Variants in ZFYVE28 observed in about 807,000 individuals in gnomAD.
The protein encoded by ZFYVE28 is zinc finger FYVE-type containing 28.
In ZFYVE28, 40 loss-of-function variants were observed where a neutral mutation model predicts 82.1. The ratio of observed to expected loss-of-function variants is 0.49; its 90% CI spans 0.38 to 0.63. ZFYVE28 has a LOEUF of 0.63. Among genes scored for constraint, ZFYVE28 ranks in the 30% least tolerant of loss-of-function variants. The pLI, the probability that ZFYVE28 is intolerant of heterozygous loss-of-function variation, is 0.00. For synonymous variants in ZFYVE28, 612 were observed against 546.1 expected, an observed-to-expected ratio of 1.12 and a Z score of -1.68; for missense variants, 1,321 against 1,242.1, an observed-to-expected ratio of 1.06 and a Z score of -0.96.
At chr4:2,310,333 C>G (rs1218018116) in intron 7 of ZFYVE28, among the ~76,000 whole-genome samples, 1 of 152,082 alleles carries the variant, frequency 6.6e-6, no homozygotes, top group East Asian at 1.9e-4. Flanking sequence ...GCCACTGTGC[C>G]CAGATATATT....
intron 2 of ZFYVE28, among the ~76,000 whole-genome samples, chr4:2,345,813 T>G (rs1723451919): frequency 6.6e-6 from 1 of 151,676 alleles, no homozygotes; most frequent in African/African-American, 2.4e-5. Context: ...ATGTGTTACA[T>G]ACAAGGAACA....
At chr4:2,346,100 G>T (rs559049153) in intron 2 of ZFYVE28, among the ~76,000 whole-genome samples, 1 of 151,746 alleles carries the variant, frequency 6.6e-6, no homozygotes, top group East Asian at 1.9e-4. Flanking sequence ...AGGCCAGGGC[G>T]GGTGGATCAC....
chr4:2,294,521 T>C (rs1438325169), intron 8 of ZFYVE28, among the ~76,000 whole-genome samples: 1 of 152,194 alleles, frequency 6.6e-6, no homozygotes, highest in Non-Finnish European at 1.5e-5. Flanking sequence ...AAAAAATTTT[T>C]GTGACTGTGG....
rs1724572560 is a variant in ZFYVE28, at chr4:2,352,204, T to A, written c.180+1729A>T. ...TGTGCTGGGCGTAAGGTGGGCCCTG[T>A]GAGATGCCCTCAGGGAGCTGGGAGG... On this transcript the variant is annotated intron_variant, in intron 2 of 12. Coordinates refer to ENST00000290974, the MANE Select transcript of ZFYVE28 (RefSeq NM_020972.3). 3.3e-5 allele frequency among the ~76,000 whole-genome samples: 5 copies of A among 152,234 alleles called. No homozygotes were observed. In the South Asian group the frequency reaches 1.0e-3, roughly 32 times the overall value.
In ZFYVE28 at chr4:2,371,873, G is replaced by A. The variant is rs1370353655; in HGVS notation, c.40-17800C>T. Reference sequence around the variant, plus strand: ...CGCCCCCCACCCAGCGTGAGAAGCCGGCCTCGGCGGCAACAGGATGAAGGT... The same window carrying A: ...CGCCCCCCACCCAGCGTGAGAAGCCAGCCTCGGCGGCAACAGGATGAAGGT... On this transcript the variant is annotated intron_variant, in intron 1 of 12. Coordinates refer to ENST00000290974, the MANE Select transcript of ZFYVE28 (RefSeq NM_020972.3). Among the ~76,000 whole-genome samples the A allele has an allele frequency of 4.0e-5, 6 of 151,744 alleles. No individual in the cohort carries two copies. In the South Asian group the frequency reaches 8.3e-4, roughly 21 times the overall value.
rs982057812 is a variant in ZFYVE28, at chr4:2,362,476, T to C, written c.40-8403A>G. 6.6e-6 allele frequency among the ~76,000 whole-genome samples: 1 copy of C among 152,082 alleles called. No homozygotes were observed. Among genetic ancestry groups the C allele is most frequent in the Non-Finnish European group, 1.5e-5 (1 of 68,016 alleles). ...CACCCCTCCACCACTGGGGCTAGAATTGTTCACTGCTGCCAATCACAGGCC... is the reference window on the plus strand; with the variant it reads ...CACCCCTCCACCACTGGGGCTAGAACTGTTCACTGCTGCCAATCACAGGCC... On this transcript the variant is annotated intron_variant, in intron 1 of 12. Coordinates refer to ENST00000290974, the MANE Select transcript of ZFYVE28 (RefSeq NM_020972.3). This position sits in a 1 kb window ranked among gnomAD's most constrained non-coding sequence, Gnocchi z 5.1.
At chr4:2,346,381 C>T (rs1723599721) in intron 2 of ZFYVE28, among the ~76,000 whole-genome samples, 1 of 150,640 alleles carries the variant, frequency 6.6e-6, no homozygotes, top group African/African-American at 2.4e-5. Flanking sequence ...GAAATTCTTT[C>T]AAGCAAAAAG....
rs1721467172 is a variant in ZFYVE28 at position 2,335,127 on chromosome 4, T to TCTCCCA, written c.701+577_701+578insTGGGAG. On this transcript the variant is annotated intron_variant, in intron 6 of 12. Transcript: ENST00000290974. This position sits in a 1 kb window ranked among gnomAD's most constrained non-coding sequence, Gnocchi z 5.8. ...TTGAGCCCCACAGGACCCTACAGGC[T>TCTCCCA]GCCTTGAGTTCCCTGCTCTCCCAGA... is the stretch of plus-strand genomic sequence containing the variant. 6.6e-6 allele frequency among the ~76,000 whole-genome samples: 1 copy of TCTCCCA among 151,628 alleles called. No individual in the cohort carries two copies. Among genetic ancestry groups the TCTCCCA allele is most frequent in the Non-Finnish European group, 1.5e-5 (1 of 67,894 alleles).
At chr4:2,322,909 G>A (rs1719310306) in intron 6 of ZFYVE28, among the ~76,000 whole-genome samples, 1 of 152,178 alleles carries the variant, frequency 6.6e-6, no homozygotes, top group East Asian at 1.9e-4. Context: ...TGTGGCACGT[G>A]GCGAATGTTC....
chr4:2,337,888 A>G (rs900386161), intron 4 of ZFYVE28, among the ~76,000 whole-genome samples: 1 of 151,230 alleles, frequency 6.6e-6, no homozygotes, highest in Non-Finnish European at 1.5e-5. Context: ...ACACACACAC[A>G]CCCTACACCA....
At chr4:2,411,255 GCCTC>G (rs1197478590) in intron 1 of ZFYVE28, among the ~76,000 whole-genome samples, 2 of 151,862 alleles carry the variant, frequency 1.3e-5, no homozygotes, top group Non-Finnish European at 2.9e-5. Context: ...TACACCCCCT[GCCTC>G]CCTCCAGCAG....
chr4:2,301,109 G>C (rs1468634206), intron 8 of ZFYVE28, among the ~76,000 whole-genome samples: 1 of 151,430 alleles, frequency 6.6e-6, no homozygotes, highest in East Asian at 1.9e-4. Context: ...TCCTGTGTCT[G>C]TCTGTTTAAA....
rs1377569702 is a variant in ZFYVE28, at chr4:2,335,936, C to T, written c.612-142G>A. The T allele has an allele frequency of 1.5e-6, 1 of 670,090 alleles. No homozygotes were observed. Among genetic ancestry groups the T allele is most frequent in the African/African-American group, 1.8e-5 (1 of 56,724 alleles). 41.5% of individuals were successfully genotyped at this position (670,090 alleles called of 1,614,324 possible). On this transcript the variant is annotated intron_variant, in intron 5 of 12. Transcript: ENST00000290974. This position sits in a 1 kb window ranked among gnomAD's most constrained non-coding sequence, Gnocchi z 5.8. Reference sequence around the variant, plus strand: ...CACGTCAAGAGGTGACACATGCCACCCCCAGTCCTCATATGTGCAAGGGGC... The same window carrying T: ...CACGTCAAGAGGTGACACATGCCACTCCCAGTCCTCATATGTGCAAGGGGC...
At chr4:2,350,846 A>G (rs1204536504) in intron 2 of ZFYVE28, among the ~76,000 whole-genome samples, 1 of 152,252 alleles carries the variant, frequency 6.6e-6, no homozygotes, top group African/African-American at 2.4e-5. Flanking sequence ...TGCCAGGAGA[A>G]GGGCACACCC....
intron 8 of ZFYVE28, among the ~76,000 whole-genome samples, chr4:2,297,559 G>A (rs911042565): frequency 2.0e-5 from 3 of 152,254 alleles, no homozygotes; most frequent in South Asian, 2.1e-4. Context: ...CCAGAAGAGC[G>A]GGGGACAGAG....
intron 1 of ZFYVE28, chr4:2,364,839 G>A: frequency 1.0e-6 from 1 of 985,488 alleles, no homozygotes; most frequent in Non-Finnish European, 1.2e-6. Context: ...GCGATACCGC[G>A]ATAAAACCCC....
chr4:2,370,793 G>A (rs1727461078), intron 1 of ZFYVE28, among the ~76,000 whole-genome samples: 1 of 152,176 alleles, frequency 6.6e-6, no homozygotes, highest in Non-Finnish European at 1.5e-5. Context: ...CACATCCCTC[G>A]CCGGCCACCC....
intron 8 of ZFYVE28, among the ~76,000 whole-genome samples, chr4:2,283,976 G>A (rs947726297): frequency 3.3e-5 from 5 of 152,162 alleles, no homozygotes; most frequent in African/African-American, 9.7e-5. Flanking sequence ...TGGACAGTTC[G>A]GACCTTGGCC....
intron 1 of ZFYVE28, among the ~76,000 whole-genome samples, chr4:2,357,043 C>T (rs554917560): frequency 6.6e-6 from 1 of 152,284 alleles, no homozygotes; most frequent in East Asian, 1.9e-4. Context: ...CAGGTGTAAT[C>T]CCACCACCAC....
Sources: gnomAD v4.1 joint callset for allele counts (sites outside exome capture counted in the v4.1 genomes callset) on GRCh38, gnomAD v4.1.1 for gene constraint, Gnocchi (gnomAD v3.1) non-coding constraint, MANE v1.5 for transcripts, NCBI Gene and HGNC (gene_info 2026-07-23, HGNC 2026-07-21) for gene names.